The following NYAP2 variants were observed in gnomAD, a reference collection of about 807,000 sequenced individuals.
NYAP2 encodes the protein neuronal tyrosine-phosphorylated phosphoinositide-3-kinase adapter 2.
Under a neutral mutation model 50.4 loss-of-function variants are expected in NYAP2, and 23 were observed. The observed-to-expected ratio is 0.46, with a 90% confidence interval of 0.33 to 0.65. NYAP2 has a LOEUF of 0.65. Ranked by LOEUF, NYAP2 falls within the 30% of genes least tolerant of loss-of-function variation. NYAP2 has a pLI of 0.02. For synonymous variants in NYAP2, 394 were observed against 365.2 expected (o/e 1.08, Z -0.90); for missense variants, 885 against 861.0 (o/e 1.03, Z -0.35).
In NYAP2 at chr2:225,446,625, C is replaced by T. The variant is rs568103397; in HGVS notation, c.221+37524C>T. On this transcript the variant is annotated intron_variant, in intron 3 of 6. Transcript: ENST00000636099. ...ATTGCAAGACCCCATACTGTGGCAC[C>T]TACAAATGGTGACAATCTTTAGTGG... Among the ~76,000 whole-genome samples the T allele has an allele frequency of 3.9e-5, 6 of 152,152 alleles. No homozygotes were observed. The East Asian group carries it at 1.2e-3, about 30-fold the overall frequency.
At chr2:225,524,125 A>T (rs886441525) in intron 4 of NYAP2, among the ~76,000 whole-genome samples, 23 of 152,204 alleles carry the variant, frequency 1.5e-4, no homozygotes, top group African/African-American at 5.3e-4. Context: ...GTGAAGTCCC[A>T]CAATAGGCCA....
intron 4 of NYAP2, among the ~76,000 whole-genome samples, chr2:225,520,496 G>A (rs1034108419): frequency 6.6e-6 from 1 of 152,150 alleles, no homozygotes; most frequent in Non-Finnish European, 1.5e-5. Context: ...CATATGGCTA[G>A]CCAGTTTTCC....
chr2:225,651,412 C>A lies in NYAP2; in HGVS notation c.1829-20C>A, dbSNP rs1375013102. 9 of 1,613,798 alleles carry A rather than the reference C, an allele frequency of 5.6e-6. No homozygotes were observed. Among genetic ancestry groups the A allele is most frequent in the Non-Finnish European group, 7.6e-6 (9 of 1,179,834 alleles). On this transcript the variant is annotated intron_variant, in intron 6 of 6. Transcript: ENST00000636099. ...AGATGTCAGTCAGCTAATATTGTGT[C>A]TTTTTCCGCTTGTTTCCAGAGCCTA...
At chr2:225,537,935 G>T (rs78925195) in intron 4 of NYAP2, among the ~76,000 whole-genome samples, 14 of 152,174 alleles carry the variant, frequency 9.2e-5, no homozygotes, top group Admixed American at 1.3e-4. Flanking sequence ...AAACAAAGTG[G>T]CTACAGGCCC....
downstream of NYAP2, among the ~76,000 whole-genome samples, chr2:225,656,207 T>C (rs1260164708): frequency 4.6e-5 from 7 of 152,190 alleles, no homozygotes; most frequent in Admixed American, 3.9e-4. Flanking sequence ...TTTAGAAACC[T>C]ACACAGAGTG....
At chr2:225,616,468 T>G (rs997047232) in intron 5 of NYAP2, among the ~76,000 whole-genome samples, 4 of 152,166 alleles carry the variant, frequency 2.6e-5, no homozygotes, top group Non-Finnish European at 5.9e-5. Flanking sequence ...AACTTCTCTG[T>G]CTGGCTGGCT....
chr2:225,433,371 A>T (rs1242269685), intron 3 of NYAP2, among the ~76,000 whole-genome samples: 2 of 151,256 alleles, frequency 1.3e-5, no homozygotes, highest in East Asian at 3.9e-4. Flanking sequence ...AAAAAAAAAA[A>T]GCAATTTGTT....
chr2:225,478,892 T>C (rs1338453937), intron 3 of NYAP2, among the ~76,000 whole-genome samples: 3 of 152,202 alleles, frequency 2.0e-5, no homozygotes, highest in Admixed American at 6.5e-5. Flanking sequence ...CTGAATATTG[T>C]GCAAGGATTG....
chr2:225,433,088 T>C (rs1420997019), intron 3 of NYAP2, among the ~76,000 whole-genome samples: 1 of 152,172 alleles, frequency 6.6e-6, no homozygotes, highest in East Asian at 1.9e-4. Context: ...GGTTCGAAAA[T>C]ACTTTTTTAA....
intron 5 of NYAP2, among the ~76,000 whole-genome samples, chr2:225,621,829 A>T (rs1033786849): frequency 6.6e-6 from 1 of 152,026 alleles, no homozygotes; most frequent in Non-Finnish European, 1.5e-5. Context: ...ACTTATGATA[A>T]CATCCTTCCA....
At chr2:225,439,875 C>T (rs1192724281) in intron 3 of NYAP2, among the ~76,000 whole-genome samples, 5 of 152,242 alleles carry the variant, frequency 3.3e-5, no homozygotes, top group Admixed American at 2.0e-4. Context: ...AAAGAAAAGA[C>T]GTTTAATTGA....
chr2:225,620,739 A>C (rs947654838), intron 5 of NYAP2, among the ~76,000 whole-genome samples: 7 of 152,258 alleles, frequency 4.6e-5, no homozygotes, highest in African/African-American at 9.6e-5. Flanking sequence ...AGAAGAGAAA[A>C]ACACACACAC....
intron 3 of NYAP2, among the ~76,000 whole-genome samples, chr2:225,425,467 T>G (rs1327624443): frequency 6.6e-6 from 1 of 152,216 alleles, no homozygotes; most frequent in Non-Finnish European, 1.5e-5. Context: ...TGCATTCTGC[T>G]TTAGAAGGCA....
intron 4 of NYAP2, among the ~76,000 whole-genome samples, chr2:225,535,960 C>T (rs1256462301): frequency 1.3e-5 from 2 of 152,136 alleles, no homozygotes; most frequent in Non-Finnish European, 1.5e-5. Flanking sequence ...TCTATATAAA[C>T]ACTCATTAAA....
chr2:225,473,142 C>T (rs1460264354), intron 3 of NYAP2, among the ~76,000 whole-genome samples: 2 of 152,126 alleles, frequency 1.3e-5, no homozygotes, highest in East Asian at 3.8e-4. Context: ...ATGAACTCAT[C>T]GTTTTTTATG....
intron 3 of NYAP2, among the ~76,000 whole-genome samples, chr2:225,411,421 G>A (rs1200085618): frequency 6.6e-6 from 1 of 152,224 alleles, no homozygotes; most frequent in East Asian, 1.9e-4. Flanking sequence ...TGATGGGGGG[G>A]CAGGAGCTCA....
At chr2:225,672,919 A>G in the NYAP2 span, among the ~76,000 whole-genome samples, 1 of 152,180 alleles carries the variant, frequency 6.6e-6, no homozygotes, top group East Asian at 1.9e-4. Flanking sequence ...AGCAATTACA[A>G]TAGTGACATC....
intron 4 of NYAP2, among the ~76,000 whole-genome samples, chr2:225,519,280 T>A (rs1691002583): frequency 1.3e-5 from 2 of 151,850 alleles, no homozygotes; most frequent in African/African-American, 4.8e-5. Context: ...TTATTTTATT[T>A]TATTATTATA....
At chr2:225,464,093 G>A (rs1258857471) in intron 3 of NYAP2, among the ~76,000 whole-genome samples, 1 of 152,172 alleles carries the variant, frequency 6.6e-6, no homozygotes, top group African/African-American at 2.4e-5. Context: ...GTTCCTTCAA[G>A]GAAAGCCTGT....
Sources: allele counts gnomAD v4.1 joint callset (sites outside exome capture counted in the v4.1 genomes callset), GRCh38; gene constraint gnomAD v4.1.1; transcripts MANE v1.5; gene names NCBI Gene and HGNC (gene_info 2026-07-23, HGNC 2026-07-21).